The following GOLGA8A variants were observed in gnomAD, a reference collection of about 807,000 sequenced individuals.
The protein encoded by GOLGA8A is golgin subfamily A member 8A.
GOLGA8A carries 3 observed loss-of-function variants against 22.1 expected under a neutral mutation model. That is an observed-to-expected ratio of 0.14 (90% confidence interval 0.06 to 0.35). GOLGA8A has a LOEUF of 0.35. Ranked by LOEUF, GOLGA8A falls within the 10% of genes least tolerant of loss-of-function variation. The pLI is 1.00. For missense variants in GOLGA8A, 16 were observed against 233.2 expected (o/e 0.07, Z 6.07); for synonymous variants, 7 against 91.7 (o/e 0.08, Z 5.28).
intron 5 of GOLGA8A, among the ~76,000 whole-genome samples, chr15:34,402,942 T>C (rs1892077624): frequency 1.1e-5 from 1 of 94,248 alleles, no homozygotes; most frequent in Non-Finnish European, 2.1e-5. Context: ...CAAAAAAATT[T>C]CGATGGACCT....
At chr15:34,435,976 C>A (rs1409673074) in intron 1 of GOLGA8A, among the ~76,000 whole-genome samples, 1 of 149,290 alleles carries the variant, frequency 6.7e-6, no homozygotes, top group Admixed American at 6.8e-5. Context: ...GCTCAGGAGA[C>A]CCTCTCCAGC....
chr15:34,427,582 G>A (rs1351695649), intron 2 of GOLGA8A, among the ~76,000 whole-genome samples: 2 of 148,346 alleles, frequency 1.3e-5, no homozygotes. Context: ...GCAGAATTCA[G>A]CAGCTTTTCC....
chr15:34,430,805 G>C (rs74007813), intron 2 of GOLGA8A, among the ~76,000 whole-genome samples: 11 of 149,684 alleles, frequency 7.3e-5, no homozygotes, highest in Non-Finnish European at 1.3e-4. Flanking sequence ...TGCCCTTCTC[G>C]GGATGAGTCA....
At chr15:34,425,794 A>G (rs1345521295) in intron 2 of GOLGA8A, among the ~76,000 whole-genome samples, 5 of 146,934 alleles carry the variant, frequency 3.4e-5, no homozygotes, top group African/African-American at 1.2e-4. Context: ...GAGAATTAGA[A>G]AGAGAAATTC....
At chr15:34,398,933 T>C (rs1165799279) in intron 7 of GOLGA8A, among the ~76,000 whole-genome samples, 2 of 133,092 alleles carry the variant, frequency 1.5e-5, no homozygotes, top group African/African-American at 5.3e-5. Flanking sequence ...ATGAGCAAAT[T>C]AGAACCTTAA....
At position 34,379,890 on chromosome 15, in the gene GOLGA8A, C is replaced by G. The variant is rs1017906941; in HGVS notation, c.*1521G>C. ...CAGAAATATTGCACAAAGTATGTCC[C>G]TGACTGAAAATGAGAGGTACAAAAA... On this transcript the variant is annotated 3_prime_UTR_variant, in exon 25 of 25. Transcript: ENST00000359187. The G allele has an allele frequency of 1.3e-5, 2 of 152,626 alleles. No homozygotes were observed. Among genetic ancestry groups the G allele is most frequent in the Admixed American group, 1.3e-4 (2 of 15,280 alleles). 9.5% of individuals were successfully genotyped at this position (152,626 alleles called of 1,614,324 possible).
At position 34,379,509 on chromosome 15, in the gene GOLGA8A, A is replaced by G. The variant is rs1180681874; in HGVS notation, c.*1902T>C. 12 of 152,666 alleles carry G rather than the reference A, an allele frequency of 7.9e-5. No homozygotes were observed. The highest frequency in any genetic ancestry group is 7.9e-4 in the Admixed American group (12 of 15,284). The allele number at this position is 152,666 out of a possible 1,614,324, so 9.5% of individuals were successfully genotyped here. A position where few individuals can be genotyped will look rare whatever the true frequency, so the allele number is the denominator to read the frequency against. On this transcript the variant is annotated 3_prime_UTR_variant, in exon 25 of 25. Coordinates refer to ENST00000359187, the MANE Select transcript of GOLGA8A (RefSeq NM_181077.5). ...ACATTGATAAATTCATACAATTTGG[A>G]AGAGTCAGTTGAAGTTACAAGGACC...
At chr15:34,418,833 C>G (rs2644237) in intron 2 of GOLGA8A, 1 of 145,066 alleles carries the variant, frequency 6.9e-6, no homozygotes, top group South Asian at 2.5e-4. Context: ...TGAGTTTAGC[C>G]CCAGTTCCCA....
intron 2 of GOLGA8A, among the ~76,000 whole-genome samples, chr15:34,411,791 G>T (rs1892441798): frequency 8.3e-6 from 1 of 120,880 alleles, no homozygotes; most frequent in Non-Finnish European, 1.7e-5. Flanking sequence ...AGGAGATGTG[G>T]AATGAAATGG....
chr15:34,435,959 A>T lies in GOLGA8A; in HGVS notation c.-1211-488T>A, dbSNP rs920285575. 2.0e-5 allele frequency among the ~76,000 whole-genome samples: 3 copies of T among 148,968 alleles called. 1 individual carries two copies. In the South Asian group the frequency reaches 6.4e-4, roughly 32 times the overall value. Reference sequence around the variant, plus strand: ...TCACCCCAGCCCTCCTGCCCCGCGGATCCTAAGCTCAGGAGACCCTCTCCA... The same window carrying T: ...TCACCCCAGCCCTCCTGCCCCGCGGTTCCTAAGCTCAGGAGACCCTCTCCA... On this transcript the variant is annotated intron_variant, in intron 1 of 24. Transcript: ENST00000359187.
At chr15:34,433,791 T>G (rs1893363370) in intron 2 of GOLGA8A, among the ~76,000 whole-genome samples, 1 of 149,614 alleles carries the variant, frequency 6.7e-6, no homozygotes, top group African/African-American at 2.5e-5. Context: ...AATTGAGTGG[T>G]AAGAGACTGA....
At chr15:34,423,760 A>G (rs1892872874) in intron 2 of GOLGA8A, among the ~76,000 whole-genome samples, 1 of 149,110 alleles carries the variant, frequency 6.7e-6, no homozygotes, top group Non-Finnish European at 1.5e-5. Context: ...CCCCTCAACC[A>G]GTTTGGTCCA....
intron 5 of GOLGA8A, among the ~76,000 whole-genome samples, chr15:34,402,988 T>TAAAA (rs142815535): frequency 1.2e-5 from 1 of 83,808 alleles, no homozygotes. Flanking sequence ...TTTCAAGAAG[T>TAAAA]AAAAAAAAAA....
chr15:34,434,198 C>T lies in GOLGA8A; in HGVS notation c.-1123+1185G>A, dbSNP rs79662205. ...TGGAGGGGCCATTCTTGGGAGCGAG[C>T]GGGGGAACTTGAGAAAAATCAGGCC... On this transcript the variant is annotated intron_variant, in intron 2 of 24. Coordinates refer to ENST00000359187, the MANE Select transcript of GOLGA8A (RefSeq NM_181077.5). Among the ~76,000 whole-genome samples, 88 of 149,182 alleles carry T rather than the reference C, an allele frequency of 5.9e-4. 8 individuals are homozygous for T. The East Asian group carries it at 9.9e-3, about 17-fold the overall frequency.
At chr15:34,400,888 C>G (rs1400092441) in intron 5 of GOLGA8A, 129 bp from the exon 6 acceptor site, 1 of 99,736 alleles carries the variant, frequency 1.0e-5, no homozygotes, top group Non-Finnish European at 2.3e-5. Context: ...AAAACTACTA[C>G]CATCCTTAGA....
intron 6 of GOLGA8A, 136 bp downstream of exon 6, chr15:34,400,576 T>C (rs1349003748): frequency 6.9e-6 from 1 of 145,674 alleles, no homozygotes; most frequent in African/African-American, 2.5e-5. Context: ...ATGTATGATT[T>C]AATGTTTTAA....
At chr15:34,400,820 A>G (rs1469143471) in intron 5 of GOLGA8A, 61 bp from the exon 6 acceptor site, 5 of 143,046 alleles carry the variant, frequency 3.5e-5, no homozygotes, top group African/African-American at 1.2e-4. Context: ...AAGTTCAATC[A>G]TAAGATATAT....
In GOLGA8A at chr15:34,406,749, CG is replaced by C. The variant is rs1383029821; in HGVS notation, c.-790del. ...TGCTGAAAGCCTCTGCGTCACACTG[CG>C]TGAGTTAGCTGGGAAAGAGAGCTCC... On this transcript the variant is annotated 5_prime_UTR_variant, in exon 4 of 25. Coordinates refer to ENST00000359187, the MANE Select transcript of GOLGA8A (RefSeq NM_181077.5). The C allele has an allele frequency of 1.5e-5, 2 of 137,618 alleles. No individual in the cohort carries two copies. Among genetic ancestry groups the C allele is most frequent in the African/African-American group, 5.4e-5 (2 of 37,344 alleles). 8.5% of individuals were successfully genotyped at this position (137,618 alleles called of 1,614,324 possible).
chr15:34,437,438 C>A lies in GOLGA8A; in HGVS notation c.-1252G>T, dbSNP rs1173316311. The A allele has an allele frequency of 1.4e-5, 2 of 138,356 alleles. No homozygotes were observed. Among genetic ancestry groups the A allele is most frequent in the Non-Finnish European group, 3.2e-5 (2 of 62,786 alleles). The allele number at this position is 138,356 out of a possible 1,614,324, so 8.6% of individuals were successfully genotyped here. On this transcript the variant is annotated 5_prime_UTR_variant, in exon 1 of 25. Transcript: ENST00000359187. ...GGCTGCCCCGGTCCGCCGCCGTCCT[C>A]GCCGCGCCGCCGTCCTCGCCGCGCC...
Sources: allele counts gnomAD v4.1 joint callset (sites outside exome capture counted in the v4.1 genomes callset), GRCh38; gene constraint gnomAD v4.1.1; transcripts MANE v1.5; gene names NCBI Gene and HGNC (gene_info 2026-07-23, HGNC 2026-07-21).